NUDCD1: variants seen among roughly 807,000 people sequenced by gnomAD.
NUDCD1 encodes the protein NudC domain containing 1.
A neutral mutation model predicts 67.8 loss-of-function variants in NUDCD1; 60 were observed. That is an observed-to-expected ratio of 0.88 (90% CI 0.72 to 1.10). The LOEUF (loss-of-function observed/expected upper bound fraction) is 1.10, where lower values mean the gene tolerates loss of function less well. Ranked by LOEUF, NUDCD1 falls within the 50% of genes least tolerant of loss-of-function variation. The pLI is 0.00. For missense variants in NUDCD1, 643 were observed against 695.0 expected (o/e 0.93, Z 0.84); for synonymous variants, 244 against 230.8 (o/e 1.06, Z -0.52).
chr8:109,330,199 T>A lies in NUDCD1; in HGVS notation c.118+3694A>T, dbSNP rs377360202. 2.6e-4 allele frequency among the ~76,000 whole-genome samples: 40 copies of A among 152,364 alleles called. No individual in the cohort carries two copies. The East Asian group carries it at 6.5e-3, about 25-fold the overall frequency. ...AATTTGATTAAAAATAAGTTTTTTG[T>A]TTCGTTCTTTGGAATAGAAAAAGAC... On this transcript the variant is annotated intron_variant, in intron 1 of 9. Coordinates refer to ENST00000239690, the MANE Select transcript of NUDCD1 (RefSeq NM_032869.4).
rs947712783 is a variant in NUDCD1, at chr8:109,241,941, A to C, written c.*1068T>G. 43 of 395,916 alleles carry C rather than the reference A, an allele frequency of 1.1e-4. No homozygotes were observed. Among genetic ancestry groups the C allele is most frequent in the African/African-American group, 8.4e-4 (41 of 48,552 alleles). The allele number at this position is 395,916 out of a possible 1,614,324, so 24.5% of individuals were successfully genotyped here. On this transcript the variant is annotated 3_prime_UTR_variant, in exon 10 of 10. Transcript: ENST00000239690. Reference sequence around the variant, plus strand: ...TTTCCAGGTACATACATACTAAAACAAACCTGGAAAGGTAAGTTTGAAAAA... The same window carrying C: ...TTTCCAGGTACATACATACTAAAACCAACCTGGAAAGGTAAGTTTGAAAAA...
chr8:109,289,340 G>T (rs1222589492), intron 5 of NUDCD1, among the ~76,000 whole-genome samples: 1 of 152,000 alleles, frequency 6.6e-6, no homozygotes. Context: ...ATGTGATTCT[G>T]CCCTCAAGGA....
chr8:109,292,379 C>G (rs1303485848), intron 4 of NUDCD1, among the ~76,000 whole-genome samples: 4 of 151,950 alleles, frequency 2.6e-5, no homozygotes, highest in Non-Finnish European at 5.9e-5. Flanking sequence ...AAGAACAAAT[C>G]TAGGAGACTT....
At chr8:109,267,606 T>G (rs1355151654) in intron 8 of NUDCD1, among the ~76,000 whole-genome samples, 1 of 152,118 alleles carries the variant, frequency 6.6e-6, no homozygotes, top group Non-Finnish European at 1.5e-5. Flanking sequence ...AAAAGAAAGT[T>G]TGGTTTAAAA....
At chr8:109,328,645 C>G (rs137970179) in intron 1 of NUDCD1, among the ~76,000 whole-genome samples, 1,691 of 152,288 alleles carry the variant, frequency 0.011, 18 homozygotes, top group Non-Finnish European at 0.017. Flanking sequence ...GGGTAGTGTA[C>G]ACAGGAAAGT....
chr8:109,308,142 A>T (rs1815155920), intron 2 of NUDCD1, among the ~76,000 whole-genome samples: 1 of 152,250 alleles, frequency 6.6e-6, no homozygotes, highest in East Asian at 1.9e-4. Context: ...ATATATACAG[A>T]ACATTTAATC....
chr8:109,313,334 C>T (rs1445672606), intron 2 of NUDCD1, among the ~76,000 whole-genome samples: 1 of 152,104 alleles, frequency 6.6e-6, no homozygotes, highest in African/African-American at 2.4e-5. Context: ...ATAATACTGA[C>T]ATAAAATACT....
intron 8 of NUDCD1, among the ~76,000 whole-genome samples, chr8:109,253,645 G>A (rs532793157): frequency 6.6e-6 from 1 of 152,302 alleles, no homozygotes; most frequent in Non-Finnish European, 1.5e-5. Context: ...TTAGGTAACA[G>A]GATTTCTTCC....
chr8:109,291,718 T>G (rs1349597602), intron 4 of NUDCD1, among the ~76,000 whole-genome samples: 1 of 152,118 alleles, frequency 6.6e-6, no homozygotes, highest in East Asian at 1.9e-4. Context: ...AACTACAATC[T>G]TGGGAGAAAA....
Position 109,333,763 on chromosome 8 carries a change from CGTGAGTCCACGCAA to C in NUDCD1, c.118+116_118+129del. 3 of 966,072 alleles carry C rather than the reference CGTGAGTCCACGCAA, an allele frequency of 3.1e-6. No homozygotes were observed. The South Asian group carries it at 4.7e-5, about 15-fold the overall frequency. The allele number at this position is 966,072 out of a possible 1,614,324, so 59.8% of individuals were successfully genotyped here. A position where few individuals can be genotyped will look rare whatever the true frequency, so the allele number is the denominator to read the frequency against. On this transcript the variant is annotated intron_variant, in intron 1 of 9. Transcript: ENST00000239690. The stretch of plus-strand genomic sequence containing the variant: ...ATCATTCCCCAGAAGCAGCGGCCTC[CGTGAGTCCACGCAA>C]GCCGCCACGGTGGCTTCGCTTGCCA...
intron 8 of NUDCD1, among the ~76,000 whole-genome samples, chr8:109,264,186 C>A (rs1175499858): frequency 6.6e-6 from 1 of 152,050 alleles, no homozygotes; most frequent in Non-Finnish European, 1.5e-5. Context: ...ATCATTTTTA[C>A]CTGAAACAAC....
intron 2 of NUDCD1, chr8:109,316,234 A>G (rs1384910923): frequency 6.6e-6 from 1 of 152,204 alleles, no homozygotes; most frequent in Non-Finnish European, 1.5e-5. Context: ...TCCTTAGCAC[A>G]CTTCTTTCCG....
chr8:109,262,340 T>C (rs1586258544), intron 8 of NUDCD1, among the ~76,000 whole-genome samples: 1 of 152,184 alleles, frequency 6.6e-6, no homozygotes, highest in African/African-American at 2.4e-5. Context: ...GGTGAGGAAG[T>C]GGTCACCTAT....
intron 2 of NUDCD1, among the ~76,000 whole-genome samples, chr8:109,300,578 C>T (rs1475466589): frequency 1.3e-5 from 2 of 152,082 alleles, no homozygotes; most frequent in Non-Finnish European, 2.9e-5. Context: ...AATATGAACA[C>T]TCCTCCAAGA....
intron 6 of NUDCD1, among the ~76,000 whole-genome samples, chr8:109,277,866 A>C (rs1263155454): frequency 6.6e-6 from 1 of 152,186 alleles, no homozygotes; most frequent in African/African-American, 2.4e-5. Context: ...GAGTATGTGG[A>C]GATACAAAAT....
intron 8 of NUDCD1, among the ~76,000 whole-genome samples, chr8:109,263,029 C>T (rs940090574): frequency 5.4e-5 from 6 of 111,432 alleles, no homozygotes; most frequent in African/African-American, 1.8e-4. Flanking sequence ...CAGTCCAGCT[C>T]GGGGGACAGA....
intron 2 of NUDCD1, among the ~76,000 whole-genome samples, chr8:109,321,698 A>T (rs1462054301): frequency 1.3e-5 from 2 of 152,094 alleles, no homozygotes; most frequent in Non-Finnish European, 2.9e-5. Flanking sequence ...AAAGACTGTC[A>T]TATGGAAAAA....
In NUDCD1 at chr8:109,314,172, C is replaced by G. The variant is rs72682690; in HGVS notation, c.273+8137G>C. 9.1e-3 allele frequency among the ~76,000 whole-genome samples: 1,388 copies of G among 152,198 alleles called. 16 individuals are homozygous for G. The highest frequency in any genetic ancestry group is 0.013 in the Admixed American group (195 of 15,278). ...TATGCTAACTGACATCTATAATGTC[C>G]AGCTCTCACATAATCATTTTCTTTT... On this transcript the variant is annotated intron_variant, in intron 2 of 9. Coordinates refer to ENST00000239690, the MANE Select transcript of NUDCD1 (RefSeq NM_032869.4).
intron 8 of NUDCD1, among the ~76,000 whole-genome samples, chr8:109,249,889 A>G (rs1445100999): frequency 1.4e-5 from 2 of 141,756 alleles, no homozygotes; most frequent in Non-Finnish European, 3.0e-5. Context: ...TCTGTCACCC[A>G]GGCTGGTGTC....
Sources: gnomAD v4.1 joint callset for allele counts (sites outside exome capture counted in the v4.1 genomes callset) on GRCh38, gnomAD v4.1.1 for gene constraint, MANE v1.5 for transcripts, NCBI Gene and HGNC (gene_info 2026-07-23, HGNC 2026-07-21) for gene names.